ARHGEF40: variants seen among roughly 807,000 people sequenced by gnomAD.
ARHGEF40 encodes the protein Rho guanine nucleotide exchange factor 40, also known as Rho guanine nucleotide exchange factor (GEF) 40.
Under a neutral mutation model 165.9 loss-of-function variants are expected in ARHGEF40, and 98 were observed. The ratio of observed to expected loss-of-function variants is 0.59; its 90% CI spans 0.50 to 0.70. The LOEUF (loss-of-function observed/expected upper bound fraction) is 0.70. ARHGEF40 is among the 30% of genes least tolerant of loss of function. The pLI is 0.00. For missense variants in ARHGEF40, 1,815 were observed against 1,968.0 expected (o/e 0.92, Z 1.47); for synonymous variants, 792 against 814.3 (o/e 0.97, Z 0.47).
chr14:21,063,600 T>C, the ARHGEF40 span, among the ~76,000 whole-genome samples: 10,408 of 152,194 alleles, frequency 0.068, 466 homozygotes, highest in South Asian at 0.18. Flanking sequence ...TTCTGAAGTC[T>C]GGAGGATGGG....
Position 21,087,056 on chromosome 14 carries a change from C to T in ARHGEF40, c.4194C>T (p.Asp1398=). The change falls in exon 20 of 24, where the codon GAC becomes GAT. Residue 1398 remains aspartate (D), a synonymous_variant. Coordinates refer to ENST00000298694, the MANE Select transcript of ARHGEF40 (RefSeq NM_018071.5). The part of the protein sequence containing the change: ...SMGIGNKPFL[D]IKALGERTLS... ...GCATTGGGAATAAACCCTTCCTGGA[C>T]ATCAAAGCCCTTGGGGAGCGGACGC... The T allele has an allele frequency of 6.2e-7, 1 of 1,608,172 alleles. No individual in the cohort carries two copies. The highest frequency in any genetic ancestry group is 1.1e-5 in the South Asian group (1 of 89,738).
chr14:21,082,454 C>A lies in ARHGEF40; in HGVS notation c.3462C>A (p.Arg1154=). Residue 1154 remains arginine (R), a synonymous_variant, in exon 15 of 24, where the codon CGC becomes CGA. Coordinates refer to ENST00000298694, the MANE Select transcript of ARHGEF40 (RefSeq NM_018071.5). ...ELQGCATHPL[R]IGACFLRHGD... Reference sequence around the variant, plus strand: ...AGGGCTGCGCCACCCACCCCCTACGCATTGGGGCCTGCTTCCTTCGCCACG... The same window carrying A: ...AGGGCTGCGCCACCCACCCCCTACGAATTGGGGCCTGCTTCCTTCGCCACG... The A allele has an allele frequency of 1.9e-6, 3 of 1,595,876 alleles. No homozygotes were observed. The highest frequency in any genetic ancestry group is 2.6e-6 in the Non-Finnish European group (3 of 1,169,394).
At chr14:21,076,691 G>A (rs573335111) in intron 7 of ARHGEF40, 48 bp downstream of exon 7, 2 of 1,607,480 alleles carry the variant, frequency 1.2e-6, no homozygotes, top group South Asian at 1.1e-5. Flanking sequence ...AGTGGGGAGA[G>A]GAGAAGAGGC....
chr14:21,083,109 G>C (rs919112891), intron 16 of ARHGEF40, among the ~76,000 whole-genome samples, 192 bp downstream of exon 16: 2 of 152,130 alleles, frequency 1.3e-5, no homozygotes, highest in African/African-American at 4.8e-5. Flanking sequence ...CCACCTGAGG[G>C]ACTGGGCAGG....
At position 21,081,338 on chromosome 14, in the gene ARHGEF40, C is replaced by A. The variant is rs747870238; in HGVS notation, c.2641-171C>A. 7 of 988,212 alleles carry A rather than the reference C, an allele frequency of 7.1e-6. No individual in the cohort carries two copies. In the African/African-American group the frequency reaches 8.2e-5, roughly 12 times the overall value. The allele number at this position is 988,212 out of a possible 1,614,324, so 61.2% of individuals were successfully genotyped here. ...TATATAGGCTCTTCCATCTCCATAC[C>A]AACTCCGAGTGACATGGTTAGGCAG... is the stretch of plus-strand genomic sequence containing the variant. On this transcript the variant is annotated intron_variant, in intron 13 of 23. Coordinates refer to ENST00000298694, the MANE Select transcript of ARHGEF40 (RefSeq NM_018071.5).
chr14:21,079,051 G>C (rs138963425), intron 11 of ARHGEF40, 41 bp downstream of exon 11: 1 of 1,589,214 alleles, frequency 6.3e-7, no homozygotes, highest in Non-Finnish European at 8.6e-7. Flanking sequence ...CAGCCTGGGA[G>C]TGTGGCCTCC....
chr14:21,066,325 GTTT>G, upstream of ARHGEF40, among the ~76,000 whole-genome samples: 1 of 142,576 alleles, frequency 7.0e-6, no homozygotes, highest in East Asian at 2.0e-4. Context: ...TGTTTTTTTT[GTTT>G]TTTTTTTTTG....
At position 21,072,105 on chromosome 14, in the gene ARHGEF40, T is replaced by G. The variant is rs1886981171; in HGVS notation, c.4-940T>G. On this transcript the variant is annotated intron_variant, in intron 1 of 23. Transcript: ENST00000298694. This position sits in a 1 kb window ranked among gnomAD's most constrained non-coding sequence, Gnocchi z 4.1. ...GTAAAAGGGACTTCAAAGACTGTCTTGAAAAAGAAGTTTGCAAAGGAATAG... is the reference window on the plus strand; with the variant it reads ...GTAAAAGGGACTTCAAAGACTGTCTGGAAAAAGAAGTTTGCAAAGGAATAG... Among the ~76,000 whole-genome samples, 1 of 152,114 alleles carries G rather than the reference T, an allele frequency of 6.6e-6. No homozygotes were observed.
rs377357188 is a variant in ARHGEF40 at position 21,074,379 on chromosome 14, C to T, written c.649C>T (p.Leu217Phe). 6.2e-7 allele frequency: 1 copy of T among 1,613,922 alleles called. No homozygotes were observed. The highest frequency in any genetic ancestry group is 1.7e-5 in the Admixed American group (1 of 60,012). ...SGPPGLPSPP[L>F]PEEALGTRSP... ...ACCTCCAGGGCTTCCCAGCCCTCCA[C>T]TTCCTGAGGAGGCGCTGGGTACCCG... Residue 217 changes from leucine (L) to phenylalanine (F), a missense_variant, in exon 3 of 24, where the codon CTT (leucine) becomes TTT (phenylalanine). Coordinates refer to ENST00000298694, the MANE Select transcript of ARHGEF40 (RefSeq NM_018071.5). The surrounding 1 kb of genome is among the most constrained non-coding windows in gnomAD (Gnocchi z 4.8).
chr14:21,069,490 G>A (rs1886498926), upstream of ARHGEF40, among the ~76,000 whole-genome samples: 1 of 152,214 alleles, frequency 6.6e-6, no homozygotes, highest in Admixed American at 6.5e-5. Flanking sequence ...GGAAGGGAAG[G>A]GCCACGGAGG....
chr14:21,078,392 A>G lies in ARHGEF40; in HGVS notation c.2150A>G (p.Lys717Arg), dbSNP rs1212060308. 6.2e-7 allele frequency: 1 copy of G among 1,609,432 alleles called. No homozygotes were observed. Among genetic ancestry groups the G allele is most frequent in the Non-Finnish European group, 8.5e-7 (1 of 1,177,150 alleles). ...CCCCAGGAGGCAGTGGGAATGCCCA[A>G]GCCACTGCAGAAGGTGCTGGCAGAT... ...PEEEEAVGMP[K>R]PLQKVLADPR... Residue 717 changes from lysine (K) to arginine (R), a missense_variant, in exon 10 of 24, where the codon AAG becomes AGG. Transcript: ENST00000298694.
At chr14:21,078,300 G>A (rs1887595603) in intron 9 of ARHGEF40, 28 bp downstream of exon 9, 5 of 1,610,334 alleles carry the variant, frequency 3.1e-6, no homozygotes, top group Non-Finnish European at 4.2e-6. Flanking sequence ...ACAGTGGGGG[G>A]ATGGGATTGG....
Position 21,089,475 on chromosome 14 carries a change from G to A in ARHGEF40, c.*467G>A, listed in dbSNP as rs1888650857. Reference sequence around the variant, plus strand: ...CAAACAATAGGAGGGTGTGACAGGGGAACCGTAGACTTTATATATGTAATT... The same window carrying A: ...CAAACAATAGGAGGGTGTGACAGGGAAACCGTAGACTTTATATATGTAATT... On this transcript the variant is annotated 3_prime_UTR_variant, in exon 24 of 24. Coordinates refer to ENST00000298694, the MANE Select transcript of ARHGEF40 (RefSeq NM_018071.5). 6.5e-6 allele frequency: 1 copy of A among 152,704 alleles called. No individual in the cohort carries two copies. The highest frequency in any genetic ancestry group is 6.5e-5 in the Admixed American group (1 of 15,272). The allele number at this position is 152,704 out of a possible 1,614,324, so 9.5% of individuals were successfully genotyped here.
chr14:21,076,855 G>A lies in ARHGEF40; in HGVS notation c.1999G>A (p.Asp667Asn). The A allele has an allele frequency of 6.2e-7, 1 of 1,613,622 alleles. No individual in the cohort carries two copies. Among genetic ancestry groups the A allele is most frequent in the South Asian group, 1.1e-5 (1 of 91,014 alleles). ...GCAGTGGGAGTTAGGAGGTCACAGG[G>A]ACCCCTCTCCCAGTCACTGGGTAGA... Reference protein sequence around the residue: ...ELQWELGGHRDPSPSHWVEIH... With the variant: ...ELQWELGGHRNPSPSHWVEIH... Residue 667 changes from aspartate to asparagine, a missense_variant, in exon 8 of 24, where the codon GAC (aspartate) becomes AAC (asparagine). Coordinates refer to ENST00000298694, the MANE Select transcript of ARHGEF40 (RefSeq NM_018071.5).
At chr14:21,087,612 C>A in intron 21 of ARHGEF40, 149 bp downstream of exon 21, 1 of 1,160,402 alleles carries the variant, frequency 8.6e-7, no homozygotes, top group Non-Finnish European at 1.2e-6. Flanking sequence ...AAAGAGCCTT[C>A]CATCTGGTTG....
At chr14:21,088,623 C>T (rs1888571408) in intron 22 of ARHGEF40, among the ~76,000 whole-genome samples, 1 of 152,044 alleles carries the variant, frequency 6.6e-6, no homozygotes, top group African/African-American at 2.4e-5. Flanking sequence ...GAGGTTGAGA[C>T]TTCAGTGAGC....
At chr14:21,086,850 A>G in intron 19 of ARHGEF40, 151 bp from the exon 20 acceptor site, 1 of 622,266 alleles carries the variant, frequency 1.6e-6, no homozygotes, top group South Asian at 2.1e-5. Context: ...AGTCAACAGA[A>G]GGAGTAAAAA....
chr14:21,070,941 C>A lies in ARHGEF40; in HGVS notation c.3+542C>A. 7.4e-7 allele frequency: 1 copy of A among 1,344,522 alleles called. No homozygotes were observed. The highest frequency in any genetic ancestry group is 1.0e-6 in the Non-Finnish European group (1 of 976,440). 83.3% of individuals were successfully genotyped at this position (1,344,522 alleles called of 1,614,324 possible). On this transcript the variant is annotated intron_variant, in intron 1 of 23. Transcript: ENST00000298694. The surrounding 1 kb of genome is among the most constrained non-coding windows in gnomAD (Gnocchi z 4.7). The stretch of plus-strand genomic sequence containing the variant: ...GCTGGGCCGGGTCCCGGGGCATGGC[C>A]AAAGAGGGAAATTCCCGCAGAGAAA...
chr14:21,078,187 G>C lies in ARHGEF40; in HGVS notation c.2045G>C (p.Arg682Thr), dbSNP rs891336035. The change falls in exon 9 of 24, where the codon AGG becomes ACG. Residue 682 changes from arginine to threonine, a missense_variant. Transcript: ENST00000298694. ...HWVEIHQEVV[R>T]LCRLCQGVLG... is the part of the protein sequence containing the mutation. ...GCATGTGGGTTTCAGGAAGTGGTAA[G>C]GCTATGTCGCCTGTGCCAAGGTGTG... 7 of 1,613,344 alleles carry C rather than the reference G, an allele frequency of 4.3e-6. No individual in the cohort carries two copies. In the African/African-American group the frequency reaches 8.0e-5, roughly 18 times the overall value.
Sources: gnomAD v4.1 joint callset for allele counts (sites outside exome capture counted in the v4.1 genomes callset) on GRCh38, gnomAD v4.1.1 for gene constraint, Gnocchi (gnomAD v3.1) non-coding constraint, MANE v1.5 for transcripts, NCBI Gene and HGNC (gene_info 2026-07-23, HGNC 2026-07-21) for gene names.